SCN3A: variants seen among roughly 807,000 people sequenced by gnomAD.
SCN3A encodes sodium voltage-gated channel alpha subunit 3.
In SCN3A, 60 loss-of-function variants were observed where a neutral mutation model predicts 187.6. The observed-to-expected ratio is 0.32, with a 90% CI of 0.26 to 0.40. SCN3A has a LOEUF of 0.40. SCN3A is among the 10% of genes least tolerant of loss of function. The pLI is 1.00. For missense variants in SCN3A, 1,601 were observed against 2,428.2 expected, an observed-to-expected ratio of 0.66 and a Z score of 7.16; for synonymous variants, 788 against 829.2, an observed-to-expected ratio of 0.95 and a Z score of 0.85.
chr2:165,146,420 A>G lies in SCN3A; in HGVS notation c.1671+319T>C, dbSNP rs893056267. Among the ~76,000 whole-genome samples, 10 of 139,320 alleles carry G rather than the reference A, an allele frequency of 7.2e-5. No homozygotes were observed. The East Asian group carries it at 8.6e-4, about 12-fold the overall frequency. 91.4% of individuals were successfully genotyped at this position (139,320 alleles called of 152,430 possible). Reference sequence around the variant, plus strand: ...TGTGTGTGTGTGTGTGTGTGTGTGTATAGACACATATATACACACATATAT... The same window carrying G: ...TGTGTGTGTGTGTGTGTGTGTGTGTGTAGACACATATATACACACATATAT... On this transcript the variant is annotated intron_variant, in intron 12 of 27. Coordinates refer to ENST00000283254, the MANE Select transcript of SCN3A (RefSeq NM_006922.4).
At chr2:165,145,490 G>A (rs779227370) in intron 12 of SCN3A, among the ~76,000 whole-genome samples, 1 of 151,806 alleles carries the variant, frequency 6.6e-6, no homozygotes, top group Non-Finnish European at 1.5e-5. Flanking sequence ...AAAACTCTTT[G>A]TGTATTCATG....
chr2:165,164,394 C>T lies in SCN3A; in HGVS notation c.600G>A (p.Met200Ile). Residue 200 changes from methionine to isoleucine, a missense_variant and splice_region_variant, in exon 6 of 28, where the codon ATG becomes ATA. Physicochemically the swap from Met to Ile is conservative, Grantham distance 10. This residue lies in a region of SCN3A where 122 missense variants were observed against 225.1 expected (regional missense o/e 0.54). Coordinates refer to ENST00000283254, the MANE Select transcript of SCN3A (RefSeq NM_006922.4). The stretch of plus-strand genomic sequence containing the variant: ...ATCAAATTTTCAAAGTTACTCACGC[C>T]ATCACAATGACACTGAAATCCAGCC... ...WNWLDFSVIVMAYVTEFVDLG... is the reference protein window; with the variant it reads ...WNWLDFSVIVIAYVTEFVDLG... 3 of 1,613,702 alleles carry T rather than the reference C, an allele frequency of 1.9e-6. No homozygotes were observed. Among genetic ancestry groups the T allele is most frequent in the Non-Finnish European group, 2.5e-6 (3 of 1,179,764 alleles).
chr2:165,143,250 G>A (rs1688120396), intron 12 of SCN3A, among the ~76,000 whole-genome samples: 1 of 152,066 alleles, frequency 6.6e-6, no homozygotes, highest in African/African-American at 2.4e-5. Context: ...TACTAACTTG[G>A]TCTTACATTA....
At chr2:165,099,677 A>G (rs1428496001) in intron 22 of SCN3A, among the ~76,000 whole-genome samples, 2 of 152,170 alleles carry the variant, frequency 1.3e-5, no homozygotes, top group Non-Finnish European at 2.9e-5. Flanking sequence ...AGATCGCACC[A>G]CTGCACTCCA....
chr2:165,147,990 C>G (rs1274910744), intron 11 of SCN3A, among the ~76,000 whole-genome samples: 1 of 152,060 alleles, frequency 6.6e-6, no homozygotes, highest in East Asian at 1.9e-4. Context: ...TAAATTATGA[C>G]AATATCAGTT....
intron 1 of SCN3A, among the ~76,000 whole-genome samples, chr2:165,190,333 G>A (rs1216264884): frequency 6.6e-6 from 1 of 151,952 alleles, no homozygotes; most frequent in African/African-American, 2.4e-5. Context: ...CTTTCTTTGT[G>A]TTGTATAAAA....
At chr2:165,197,399 C>G (rs1045725674) in intron 1 of SCN3A, among the ~76,000 whole-genome samples, 26 of 152,072 alleles carry the variant, frequency 1.7e-4, no homozygotes, top group Admixed American at 1.3e-4. Context: ...TATTGATACC[C>G]AGATTCCGCC....
intron 1 of SCN3A, among the ~76,000 whole-genome samples, chr2:165,200,220 A>G (rs1692228877): frequency 6.6e-6 from 1 of 152,134 alleles, no homozygotes; most frequent in South Asian, 2.1e-4. Context: ...TTTCACTGGT[A>G]GGTGGGTAAT....
rs565048561 is a variant in SCN3A, at chr2:165,162,381, CA to C, written c.968-11del. Reference sequence around the variant, plus strand: ...AAAACATAAAAGTGACCTGTTAATACAAAAAAAAACCCATTTTATTTCATAT... The same window carrying C: ...AAAACATAAAAGTGACCTGTTAATACAAAAAAAACCCATTTTATTTCATAT... On this transcript the variant is annotated splice_polypyrimidine_tract_variant and intron_variant, in intron 8 of 27. Coordinates refer to ENST00000283254, the MANE Select transcript of SCN3A (RefSeq NM_006922.4). The C allele has an allele frequency of 1.5e-4, 237 of 1,574,124 alleles. No homozygotes were observed. Among genetic ancestry groups the C allele is most frequent in the South Asian group, 8.9e-4 (79 of 88,776 alleles).
intron 3 of SCN3A, among the ~76,000 whole-genome samples, chr2:165,175,078 G>T (rs1690367677): frequency 6.6e-6 from 1 of 152,074 alleles, no homozygotes; most frequent in Non-Finnish European, 1.5e-5. Context: ...AGAACAACAG[G>T]ACTAATTCCA....
chr2:165,100,285 G>A lies in SCN3A; in HGVS notation c.3966+17C>T, dbSNP rs1685543031. 1 of 1,612,280 alleles carries A rather than the reference G, an allele frequency of 6.2e-7. No individual in the cohort carries two copies. The highest frequency in any genetic ancestry group is 1.1e-5 in the South Asian group (1 of 90,994). ...TGTAATTTTGACATGAATAATTAGA[G>A]TGTCTATTCTTCTTACCCTCATGCC... On this transcript the variant is annotated intron_variant, in intron 22 of 27. Coordinates refer to ENST00000283254, the MANE Select transcript of SCN3A (RefSeq NM_006922.4).
chr2:165,127,695 G>C lies in SCN3A; in HGVS notation c.3329C>G (p.Ser1110Cys). ...TVTVPIAVGE[S>C]DFENLNTEEF... ...TTCAGTATTTAAGTTTTCAAAGTCA[G>C]ACTCTCCAACAGCAATTGGCACTGT... Residue 1110 changes from serine to cysteine, a missense_variant, in exon 18 of 28, where the codon TCT becomes TGT. Coordinates refer to ENST00000283254, the MANE Select transcript of SCN3A (RefSeq NM_006922.4). 6.2e-7 allele frequency: 1 copy of C among 1,614,142 alleles called. No homozygotes were observed. Among genetic ancestry groups the C allele is most frequent in the Non-Finnish European group, 8.5e-7 (1 of 1,180,016 alleles).
At chr2:165,147,835 G>A (rs1480431961) in intron 11 of SCN3A, among the ~76,000 whole-genome samples, 1 of 152,098 alleles carries the variant, frequency 6.6e-6, no homozygotes, top group Non-Finnish European at 1.5e-5. Flanking sequence ...CAGCTCTGAG[G>A]TGAAACATGG....
intron 18 of SCN3A, among the ~76,000 whole-genome samples, chr2:165,120,382 C>T (rs534171453): frequency 2.0e-5 from 3 of 151,936 alleles, no homozygotes; most frequent in South Asian, 2.1e-4. Flanking sequence ...CCCCATATGA[C>T]AAATATTGCT....
chr2:165,115,854 A>G (rs886870860), intron 18 of SCN3A, among the ~76,000 whole-genome samples: 2 of 152,208 alleles, frequency 1.3e-5, no homozygotes, highest in African/African-American at 2.4e-5. Flanking sequence ...AATGATCTGC[A>G]TTTGTATATG....
chr2:165,123,574 A>G (rs1686816405), intron 18 of SCN3A, among the ~76,000 whole-genome samples: 1 of 152,162 alleles, frequency 6.6e-6, no homozygotes. Context: ...TTATTAGCAA[A>G]GAGGAAGGAT....
At chr2:165,099,273 G>T (rs535204602) in intron 22 of SCN3A, among the ~76,000 whole-genome samples, 103 of 152,246 alleles carry the variant, frequency 6.8e-4, no homozygotes, top group Non-Finnish European at 1.3e-3. Context: ...CTACCGAGGG[G>T]CATGGCAAAT....
At chr2:165,197,040 C>A (rs1405317483) in intron 1 of SCN3A, among the ~76,000 whole-genome samples, 1 of 152,040 alleles carries the variant, frequency 6.6e-6, no homozygotes, top group East Asian at 1.9e-4. Context: ...CAAAATATAC[C>A]ATAACCAGTA....
At position 165,117,461 on chromosome 2, in the gene SCN3A, C is replaced by A. The variant is rs545983238; in HGVS notation, c.3394-1886G>T. Among the ~76,000 whole-genome samples, 15 of 152,104 alleles carry A rather than the reference C, an allele frequency of 9.9e-5. No homozygotes were observed. The South Asian group carries it at 3.1e-3, about 32-fold the overall frequency. ...CTTGTTTCCTTTGACTAAATATTCTCATAAATATATGTACATATTTACATA... is the reference window on the plus strand; with the variant it reads ...CTTGTTTCCTTTGACTAAATATTCTAATAAATATATGTACATATTTACATA... On this transcript the variant is annotated intron_variant, in intron 18 of 27. Coordinates refer to ENST00000283254, the MANE Select transcript of SCN3A (RefSeq NM_006922.4).
Sources: gnomAD v4.1 joint callset for allele counts (sites outside exome capture counted in the v4.1 genomes callset) on GRCh38, gnomAD v4.1.1 for gene constraint, gnomAD v4.1.1 regional missense constraint, MANE v1.5 for transcripts, NCBI Gene and HGNC (gene_info 2026-07-23, HGNC 2026-07-21) for gene names.